Variants in COL2A1 observed in about 807,000 individuals in gnomAD.
The protein encoded by COL2A1 is collagen alpha-1(II) chain.
In COL2A1, 28 loss-of-function variants were observed where a neutral mutation model predicts 204.5. The observed-to-expected ratio is 0.14, with a 90% confidence interval of 0.10 to 0.19. The LOEUF is 0.19. Ranked by LOEUF, COL2A1 falls within the 10% of genes least tolerant of loss-of-function variation. The probability of loss-of-function intolerance (pLI) is 1.00; values close to 1 mark genes in which losing one functional copy is unlikely to be tolerated. For missense variants in COL2A1, 1,388 were observed against 2,027.5 expected, an observed-to-expected ratio of 0.68 and a Z score of 6.06; for synonymous variants, 708 against 718.7, an observed-to-expected ratio of 0.99 and a Z score of 0.24.
intron 11 of COL2A1, among the ~76,000 whole-genome samples, chr12:47,995,046 C>T (rs1939886614): frequency 6.6e-6 from 1 of 152,100 alleles, no homozygotes. Context: ...TTTGTCTTCC[C>T]CTTGGATCCA....
chr12:47,980,812 A>G lies in COL2A1; in HGVS notation c.2517+103T>C. 2 of 1,430,444 alleles carry G rather than the reference A, an allele frequency of 1.4e-6. No individual in the cohort carries two copies. Among genetic ancestry groups the G allele is most frequent in the Middle Eastern group, 1.7e-4 (1 of 5,764 alleles). 88.6% of individuals were successfully genotyped at this position (1,430,444 alleles called of 1,614,324 possible). Reference sequence around the variant, plus strand: ...GTATGGAGGCGGGAAAGGAGAGGAGAGGAGCATCCATTTCCCTCCCTGACA... The same window carrying G: ...GTATGGAGGCGGGAAAGGAGAGGAGGGGAGCATCCATTTCCCTCCCTGACA... On this transcript the variant is annotated intron_variant, in intron 38 of 53. Coordinates refer to ENST00000380518, the MANE Select transcript of COL2A1 (RefSeq NM_001844.5). This position sits in a 1 kb window ranked among gnomAD's most constrained non-coding sequence, Gnocchi z 4.5.
rs1253311469 is a variant in COL2A1, at chr12:47,978,639, T to C, written c.2853A>G (p.Gly951=). 6.2e-7 allele frequency: 1 copy of C among 1,613,220 alleles called. No homozygotes were observed. Among genetic ancestry groups the C allele is most frequent in the Admixed American group, 1.7e-5 (1 of 59,988 alleles). The change falls in exon 42 of 54, where the codon GGA becomes GGG. Residue 951 remains glycine (G), a synonymous_variant. Transcript: ENST00000380518. This position sits in a 1 kb window ranked among gnomAD's most constrained non-coding sequence, Gnocchi z 5.5. ...AGEPGLQGPA[G]PPGEKGEPGD... ...CAGGCTCTCCCTTCTCGCCAGGGGG[T>C]CCAGCAGGACCTTGGAGGCCGGGTT...
At chr12:47,998,605 G>A in intron 2 of COL2A1, 174 bp from the exon 3 acceptor site, 1 of 670,526 alleles carries the variant, frequency 1.5e-6, no homozygotes, top group Non-Finnish European at 2.6e-6. Context: ...GGGCCACTGT[G>A]GCCCTGGGGT....
rs374291498 is a variant in COL2A1 at position 47,995,317 on chromosome 12, A to G, written c.709-9T>C. The G allele has an allele frequency of 4.3e-6, 7 of 1,611,932 alleles. No homozygotes were observed. The African/African-American group carries it at 8.0e-5, about 18-fold the overall frequency. On this transcript the variant is annotated splice_polypyrimidine_tract_variant and intron_variant, in intron 10 of 53. Coordinates refer to ENST00000380518, the MANE Select transcript of COL2A1 (RefSeq NM_001844.5). ...CGGGGACCCATGGGACCCTACAAAC[A>G]AAGGAAGATAGTTTAAGAGATGGTT... is the stretch of plus-strand genomic sequence containing the variant.
At chr12:47,975,687 G>C in intron 50 of COL2A1, 82 bp from the exon 51 acceptor site, 2 of 1,476,010 alleles carry the variant, frequency 1.4e-6, no homozygotes, top group Non-Finnish European at 1.8e-6. Context: ...GAATGTACTA[G>C]AGTGTCCCTC....
At chr12:47,992,810 A>C in intron 16 of COL2A1, 68 bp downstream of exon 16, 24 of 1,535,198 alleles carry the variant, frequency 1.6e-5, no homozygotes, top group Middle Eastern at 1.7e-4. Flanking sequence ...TCGAGGGTCA[A>C]GAGAAACAAA....
chr12:47,977,225 CACTGCTCCTTAGTCCAGAG>C, intron 46 of COL2A1, 70 bp from the exon 47 acceptor site: 10 of 1,590,406 alleles, frequency 6.3e-6, no homozygotes, highest in Non-Finnish European at 8.6e-6. Flanking sequence ...CATCTGAGGC[CACTGCTCCTTAGTCCAGAG>C]ACTGCGGAAA....
At chr12:47,986,021 G>T (rs1457126229) in intron 23 of COL2A1, 56 bp from the exon 24 acceptor site, 3 of 1,503,842 alleles carry the variant, frequency 2.0e-6, no homozygotes, top group Non-Finnish European at 2.7e-6. Flanking sequence ...ACCCAGCCAG[G>T]CTCCAGTGGG....
At position 47,987,571 on chromosome 12, in the gene COL2A1, G is replaced by A; in HGVS notation, c.1221+40C>T. 1 of 1,541,292 alleles carries A rather than the reference G, an allele frequency of 6.5e-7. No homozygotes were observed. Among genetic ancestry groups the A allele is most frequent in the South Asian group, 1.1e-5 (1 of 87,110 alleles). On this transcript the variant is annotated intron_variant, in intron 19 of 53. Coordinates refer to ENST00000380518, the MANE Select transcript of COL2A1 (RefSeq NM_001844.5). This position sits in a 1 kb window ranked among gnomAD's most constrained non-coding sequence, Gnocchi z 4.1. Reference sequence around the variant, plus strand: ...CAGAGTCAAGAGTTCCAAAGCCACAGACCCCAGACCCCCCCAGGCCAAAGA... The same window carrying A: ...CAGAGTCAAGAGTTCCAAAGCCACAAACCCCAGACCCCCCCAGGCCAAAGA...
chr12:47,981,803 A>T lies in COL2A1; in HGVS notation c.2382T>A (p.Pro794=), dbSNP rs373352689. The T allele has an allele frequency of 1.4e-5, 22 of 1,554,484 alleles. No homozygotes were observed. In the African/African-American group the frequency reaches 2.7e-4, roughly 19 times the overall value. The stretch of plus-strand genomic sequence containing the variant: ...TCTCGCCATTAGCACCAGCTGGGCC[A>T]GGGGGGCCAATGGGACCTGTCAGGC... ...GRGLTGPIGP[P]GPAGANGEKG... is the part of the protein sequence containing the mutation. The change falls in exon 36 of 54, where the codon CCT becomes CCA. Residue 794 remains proline (P), a synonymous_variant. Coordinates refer to ENST00000380518, the MANE Select transcript of COL2A1 (RefSeq NM_001844.5).
intron 2 of COL2A1, 107 bp downstream of exon 2, chr12:47,999,812 A>T: frequency 1.0e-6 from 1 of 975,220 alleles, no homozygotes. Flanking sequence ...GGTCCCATGG[A>T]TAACTAGCCC....
In COL2A1 at chr12:47,987,403, A is replaced by T. The variant is rs959233254; in HGVS notation, c.1222-90T>A. 39 of 1,384,560 alleles carry T rather than the reference A, an allele frequency of 2.8e-5. No homozygotes were observed. The highest frequency in any genetic ancestry group is 3.5e-4 in the Middle Eastern group (2 of 5,660). The allele number at this position is 1,384,560 out of a possible 1,614,324, so 85.8% of individuals were successfully genotyped here. ...GGATCCAGATCCAGGGACCTGGCAT[A>T]GGTGCTGTCCATTTCAGGGACATTC... On this transcript the variant is annotated intron_variant, in intron 19 of 53. Transcript: ENST00000380518. This position sits in a 1 kb window ranked among gnomAD's most constrained non-coding sequence, Gnocchi z 4.1.
intron 2 of COL2A1, among the ~76,000 whole-genome samples, chr12:47,999,107 G>T (rs1036339647): frequency 6.6e-6 from 1 of 152,138 alleles, no homozygotes; most frequent in Non-Finnish European, 1.5e-5. Context: ...CCCTTGCCAC[G>T]GCCTTCTCTA....
chr12:47,986,875 A>G lies in COL2A1; in HGVS notation c.1379T>C (p.Ile460Thr), dbSNP rs1206699679. ...GPKGQTGEPGIAGFKGEQGPK... is the reference protein window; with the variant it reads ...GPKGQTGEPGTAGFKGEQGPK... ...GCCTTGTTCACCTTTGAAGCCAGCA[A>G]TACCAGGTTCACCCTTGAAAAGAGA... The change falls in exon 22 of 54, where the codon ATT (isoleucine) becomes ACT (threonine). Residue 460 changes from isoleucine (I) to threonine (T), a missense_variant. By Grantham distance (89) the Ile-to-Thr change is moderately conservative. This residue lies in a region of COL2A1 where 884 missense variants were observed against 1,415.8 expected (regional missense o/e 0.62). Transcript: ENST00000380518. 6.2e-7 allele frequency: 1 copy of G among 1,614,066 alleles called. No individual in the cohort carries two copies. Among genetic ancestry groups the G allele is most frequent in the Non-Finnish European group, 8.5e-7 (1 of 1,180,034 alleles).
chr12:47,991,208 C>G (rs1292978005), intron 16 of COL2A1, among the ~76,000 whole-genome samples: 3 of 152,210 alleles, frequency 2.0e-5, no homozygotes, highest in East Asian at 1.9e-4. Context: ...GGTCAGCCAG[C>G]AGGAGGGCCC....
At position 47,980,550 on chromosome 12, in the gene COL2A1, C is replaced by T; in HGVS notation, c.2625+4G>A. ...AACAATTCTTGGAGTGCAGCGTTAC[C>T]CACCTGAGGCCCAGGTGCTCCAGAG... On this transcript the variant is annotated splice_donor_region_variant and intron_variant, in intron 39 of 53. Coordinates refer to ENST00000380518, the MANE Select transcript of COL2A1 (RefSeq NM_001844.5). The surrounding 1 kb of genome is among the most constrained non-coding windows in gnomAD (Gnocchi z 4.5). The T allele has an allele frequency of 6.2e-7, 1 of 1,601,260 alleles. No individual in the cohort carries two copies. Among genetic ancestry groups the T allele is most frequent in the Non-Finnish European group, 8.5e-7 (1 of 1,173,294 alleles).
intron 18 of COL2A1, among the ~76,000 whole-genome samples, 194 bp downstream of exon 18, chr12:47,989,034 A>G (rs1341348304): frequency 2.0e-5 from 3 of 152,130 alleles, no homozygotes; most frequent in Admixed American, 2.0e-4. Context: ...CTTCTGTCTT[A>G]CTTTCCCTCC....
At chr12:47,983,211 G>C in intron 31 of COL2A1, 74 bp from the exon 32 acceptor site, 1 of 1,548,278 alleles carries the variant, frequency 6.5e-7, no homozygotes, top group East Asian at 2.3e-5. Flanking sequence ...CCACAGCAGG[G>C]CTGAATATCA....
chr12:47,991,912 G>A (rs76002385), intron 16 of COL2A1, among the ~76,000 whole-genome samples: 7,375 of 152,136 alleles, frequency 0.048, 252 homozygotes, highest in Non-Finnish European at 0.075. Flanking sequence ...AAGGGGGGTC[G>A]AGGCTTCTGC....
Sources: allele counts gnomAD v4.1 joint callset (sites outside exome capture counted in the v4.1 genomes callset), GRCh38; gene constraint gnomAD v4.1.1; regional missense constraint gnomAD v4.1.1; non-coding constraint Gnocchi (gnomAD v3.1); transcripts MANE v1.5; gene names NCBI Gene and HGNC (gene_info 2026-07-23, HGNC 2026-07-21).